The following ST3GAL1 variants were observed in gnomAD, a reference collection of about 807,000 sequenced individuals.
ST3GAL1 encodes ST3 beta-galactoside alpha-2,3-sialyltransferase 1, also known as CMP-N-acetylneuraminate-beta-galactosamide-alpha-2,3-sialyltransferase 1.
Under a neutral mutation model 34.1 loss-of-function variants are expected in ST3GAL1, and 16 were observed. The observed-to-expected ratio is 0.47, with a 90% CI of 0.32 to 0.71. The LOEUF (loss-of-function observed/expected upper bound fraction) is 0.71, where lower values mean the gene tolerates loss of function less well. Ranked by LOEUF, ST3GAL1 falls within the 30% of genes least tolerant of loss-of-function variation. The pLI, the probability that ST3GAL1 is intolerant of heterozygous loss-of-function variation, is 0.04. For synonymous variants in ST3GAL1, 191 were observed against 184.7 expected (o/e 1.03, Z -0.28); for missense variants, 353 against 447.4 (o/e 0.79, Z 1.90).
At chr8:133,523,106 G>T (rs1817859035) in intron 2 of ST3GAL1, among the ~76,000 whole-genome samples, 1 of 151,926 alleles carries the variant, frequency 6.6e-6, no homozygotes, top group Non-Finnish European at 1.5e-5. Context: ...CTCCCACCTG[G>T]CCCAGGGCCC....
At position 133,457,705 on chromosome 8, in the gene ST3GAL1, T is replaced by C. The variant is rs1411869076; in HGVS notation, c.*2059A>G. 6.6e-6 allele frequency: 1 copy of C among 152,218 alleles called. No individual in the cohort carries two copies. The highest frequency in any genetic ancestry group is 2.4e-5 in the African/African-American group (1 of 41,440). The allele number at this position is 152,218 out of a possible 1,614,324, so 9.4% of individuals were successfully genotyped here. On this transcript the variant is annotated 3_prime_UTR_variant, in exon 10 of 10. Transcript: ENST00000522652. The stretch of plus-strand genomic sequence containing the variant: ...GGTCCTTTCTCCAGAAAAATGCTCA[T>C]ATGCAGAGATTCAGGGAAAAAACCA...
chr8:133,489,188 A>C (rs1816707574), intron 3 of ST3GAL1, among the ~76,000 whole-genome samples: 1 of 151,954 alleles, frequency 6.6e-6, no homozygotes. Flanking sequence ...CCACACTATG[A>C]CCTTGTGAAT....
intron 2 of ST3GAL1, among the ~76,000 whole-genome samples, chr8:133,513,711 T>C (rs994914335): frequency 6.6e-6 from 1 of 152,102 alleles, no homozygotes; most frequent in Non-Finnish European, 1.5e-5. Flanking sequence ...CTAGCCAACA[T>C]GGTGAAACCC....
chr8:133,529,240 C>T (rs1026193545), intron 2 of ST3GAL1, among the ~76,000 whole-genome samples: 8 of 152,288 alleles, frequency 5.3e-5, no homozygotes, highest in Non-Finnish European at 1.2e-4. Flanking sequence ...ACTAGGTCCT[C>T]GCCCTGTGGA....
chr8:133,554,310 C>A (rs1443122606), intron 1 of ST3GAL1, among the ~76,000 whole-genome samples: 1 of 152,192 alleles, frequency 6.6e-6, no homozygotes, highest in Admixed American at 6.5e-5. Context: ...CTGCCCCAAC[C>A]CTATGCTCCC....
chr8:133,494,670 C>G (rs867815296), intron 3 of ST3GAL1, among the ~76,000 whole-genome samples: 5 of 152,284 alleles, frequency 3.3e-5, no homozygotes, highest in Middle Eastern at 3.4e-3. Flanking sequence ...TGGTCCCTGC[C>G]TACTCTCTGA....
chr8:133,509,986 A>AAGGCAG lies in ST3GAL1; in HGVS notation c.-428-10803_-428-10798dup, dbSNP rs1414720624. 2.6e-5 allele frequency among the ~76,000 whole-genome samples: 4 copies of AAGGCAG among 151,144 alleles called. 1 individual carries two copies. The highest frequency in any genetic ancestry group is 2.0e-4 in the Admixed American group (3 of 15,120). ...AGGCAGGAGAATTGCTTGAACCCAGAAGGCAGAGGTTGCAGTGAGCCAAGA... is the reference window on the plus strand; with the variant it reads ...AGGCAGGAGAATTGCTTGAACCCAGAAGGCAGAGGCAGAGGTTGCAGTGAGCCAAGA... On this transcript the variant is annotated intron_variant, in intron 2 of 9. Transcript: ENST00000522652.
rs1815341311 is a variant in ST3GAL1, at chr8:133,457,447, C to A, written c.*2317G>T. On this transcript the variant is annotated 3_prime_UTR_variant, in exon 10 of 10. Coordinates refer to ENST00000522652, the MANE Select transcript of ST3GAL1 (RefSeq NM_173344.3). ...AGTGTCTGATGATCTGGAGTCTGCC[C>A]CTGGGGTCACTCAGTCACTCAACAA... is the stretch of plus-strand genomic sequence containing the variant. 1 of 152,100 alleles carries A rather than the reference C, an allele frequency of 6.6e-6. No individual in the cohort carries two copies. Among genetic ancestry groups the A allele is most frequent in the Non-Finnish European group, 1.5e-5 (1 of 68,052 alleles). The allele number at this position is 152,100 out of a possible 1,614,324, so 9.4% of individuals were successfully genotyped here. A position where few individuals can be genotyped will look rare whatever the true frequency, so the allele number is the denominator to read the frequency against.
In ST3GAL1 at chr8:133,466,010, G is replaced by T. The variant is rs375039706; in HGVS notation, c.387C>A (p.Asp129Glu). The T allele has an allele frequency of 1.2e-6, 2 of 1,614,198 alleles. No homozygotes were observed. Among genetic ancestry groups the T allele is most frequent in the African/African-American group, 2.7e-5 (2 of 75,050 alleles). ...CCACCGACCTCTTCTCCAGCATAGGGTCCACATTCCCAGGCACCACTCTGA... is the reference window on the plus strand; with the variant it reads ...CCACCGACCTCTTCTCCAGCATAGGTTCCACATTCCCAGGCACCACTCTGA... ...ELFRVVPGNV[D>E]PMLEKRSVGC... Residue 129 changes from aspartate (D) to glutamate (E), a missense_variant, in exon 6 of 10, where the codon GAC (aspartate) becomes GAA (glutamate). By Grantham distance (45) the Asp-to-Glu change is conservative. Coordinates refer to ENST00000522652, the MANE Select transcript of ST3GAL1 (RefSeq NM_173344.3). This position sits in a 1 kb window ranked among gnomAD's most constrained non-coding sequence, Gnocchi z 4.4.
At chr8:133,495,700 A>G (rs1161624090) in intron 3 of ST3GAL1, among the ~76,000 whole-genome samples, 1 of 152,180 alleles carries the variant, frequency 6.6e-6, no homozygotes, top group Non-Finnish European at 1.5e-5. Context: ...TGTCTGCCAC[A>G]AGATGGTGGA....
chr8:133,557,153 G>A (rs971228783), intron 1 of ST3GAL1, among the ~76,000 whole-genome samples: 5 of 152,166 alleles, frequency 3.3e-5, no homozygotes, highest in African/African-American at 1.2e-4. Context: ...CCAGTATGTG[G>A]TATTTCCTGG....
At chr8:133,552,671 G>A (rs764575462) in intron 1 of ST3GAL1, among the ~76,000 whole-genome samples, 10 of 152,172 alleles carry the variant, frequency 6.6e-5, no homozygotes, top group Non-Finnish European at 1.2e-4. Flanking sequence ...ACATGCACCT[G>A]TTAGACTAGG....
rs971059711 is a variant in ST3GAL1 at position 133,539,444 on chromosome 8, C to A, written c.-429+6330G>T. Among the ~76,000 whole-genome samples the A allele has an allele frequency of 3.3e-4, 51 of 152,300 alleles. 1 individual carries two copies. Among genetic ancestry groups the A allele is most frequent in the African/African-American group, 1.1e-3 (47 of 41,550 alleles). ...CTGACGCTCCAGCCCCTGGGCTGCA[C>A]CCCACTTATCTAGGGCTTGCATTTT... On this transcript the variant is annotated intron_variant, in intron 2 of 9. Coordinates refer to ENST00000522652, the MANE Select transcript of ST3GAL1 (RefSeq NM_173344.3).
chr8:133,535,433 G>A (rs1271765548), intron 2 of ST3GAL1, among the ~76,000 whole-genome samples: 5 of 152,034 alleles, frequency 3.3e-5, no homozygotes, highest in African/African-American at 1.2e-4. Flanking sequence ...TACTAATCGT[G>A]GCAACCTTGT....
At chr8:133,473,888 A>T (rs1201437548) in intron 5 of ST3GAL1, among the ~76,000 whole-genome samples, 1 of 152,058 alleles carries the variant, frequency 6.6e-6, no homozygotes, top group Non-Finnish European at 1.5e-5. Context: ...CTGAGAGCAG[A>T]CCCTAATCCT....
Position 133,465,912 on chromosome 8 carries a change from C to A in ST3GAL1, c.485G>T (p.Ser162Ile). ...RESSYGPEID[S>I]HDFVLRMNKA... Reference sequence around the variant, plus strand: ...CACTCACCTGAGGACAAAGTCGTGACTGTCTATCTCAGGCCCATAAGAAGA... The same window carrying A: ...CACTCACCTGAGGACAAAGTCGTGAATGTCTATCTCAGGCCCATAAGAAGA... Residue 162 changes from serine to isoleucine, a missense_variant, in exon 6 of 10, where the codon AGT (serine) becomes ATT (isoleucine). Transcript: ENST00000522652. The A allele has an allele frequency of 6.2e-7, 1 of 1,614,036 alleles. No homozygotes were observed. Among genetic ancestry groups the A allele is most frequent in the Non-Finnish European group, 8.5e-7 (1 of 1,179,922 alleles).
In ST3GAL1 at chr8:133,569,336, T is replaced by C. The variant is rs182227845; in HGVS notation, c.-582+2357A>G. On this transcript the variant is annotated intron_variant, in intron 1 of 9. Transcript: ENST00000522652. The stretch of plus-strand genomic sequence containing the variant: ...AGCAAAAAGTGTACGATGGAACTTT[T>C]TTCCCTAGACCTGAAGTCAAGGTAT... Among the ~76,000 whole-genome samples, 763 of 152,358 alleles carry C rather than the reference T, an allele frequency of 5.0e-3. 2 individuals carry two copies. The highest frequency in any genetic ancestry group is 8.9e-3 in the Non-Finnish European group (607 of 68,028).
chr8:133,568,236 A>G (rs1444094383), intron 1 of ST3GAL1, among the ~76,000 whole-genome samples: 1 of 152,168 alleles, frequency 6.6e-6, no homozygotes, highest in East Asian at 1.9e-4. Flanking sequence ...TCTTATTTTG[A>G]GAGTGAAACT....
chr8:133,468,063 T>TG (rs1815810748), intron 5 of ST3GAL1, among the ~76,000 whole-genome samples: 1 of 151,928 alleles, frequency 6.6e-6, no homozygotes, highest in African/African-American at 2.4e-5. Context: ...CTGGGTGGTT[T>TG]TTCAAAAGGT....
Sources: allele counts gnomAD v4.1 joint callset (sites outside exome capture counted in the v4.1 genomes callset), GRCh38; gene constraint gnomAD v4.1.1; non-coding constraint Gnocchi (gnomAD v3.1); transcripts MANE v1.5; gene names NCBI Gene and HGNC (gene_info 2026-07-23, HGNC 2026-07-21).